The following SLC35F4 variants were observed in gnomAD, a reference collection of about 807,000 sequenced individuals.
The protein encoded by SLC35F4 is chromosome 14 open reading frame 36.
A neutral mutation model predicts 44.2 loss-of-function variants in SLC35F4; 24 were observed. The observed-to-expected ratio is 0.54, with a 90% CI of 0.39 to 0.76. The LOEUF (loss-of-function observed/expected upper bound fraction) is 0.76. Ranked by LOEUF, SLC35F4 falls within the 30% of genes least tolerant of loss-of-function variation. SLC35F4 has a pLI of 0.00. For missense variants in SLC35F4, 562 were observed against 586.1 expected, an observed-to-expected ratio of 0.96 and a Z score of 0.42; for synonymous variants, 238 against 223.6, an observed-to-expected ratio of 1.06 and a Z score of -0.57.
At chr14:57,664,038 A>C (rs1390336264) in intron 1 of SLC35F4, among the ~76,000 whole-genome samples, 2 of 152,166 alleles carry the variant, frequency 1.3e-5, no homozygotes, top group Admixed American at 6.6e-5. Context: ...GGCACTGTAC[A>C]TAGAGGAGAA....
chr14:57,891,660 G>T (rs552407903), intron 1 of SLC35F4, among the ~76,000 whole-genome samples: 9 of 152,130 alleles, frequency 5.9e-5, no homozygotes, highest in African/African-American at 2.2e-4. Flanking sequence ...GGCATATCAC[G>T]AGATCAGGAG....
chr14:57,625,856 T>C (rs1258434360), intron 1 of SLC35F4, among the ~76,000 whole-genome samples: 7 of 152,178 alleles, frequency 4.6e-5, no homozygotes, highest in Non-Finnish European at 1.5e-5. Context: ...ATCATTCTAC[T>C]ATAAAGACAC....
intron 1 of SLC35F4, among the ~76,000 whole-genome samples, chr14:57,615,283 A>G (rs2140067081): frequency 1.3e-5 from 2 of 152,312 alleles, no homozygotes; most frequent in South Asian, 4.1e-4. Flanking sequence ...GGAAATATCA[A>G]TGCATTTGGA....
rs148530682 is a variant in SLC35F4, at chr14:57,841,353, T to C, written c.103+24370A>G. On this transcript the variant is annotated intron_variant, in intron 1 of 7. Transcript: ENST00000556826. ...CAGGTCTCTAGTTCCTAAGAAGACC[T>C]AGGTTGGACATTAAGACAAAGCACC... Among the ~76,000 whole-genome samples, 421 of 152,216 alleles carry C rather than the reference T, an allele frequency of 2.8e-3. 2 individuals are homozygous for C. Among genetic ancestry groups the C allele is most frequent in the Admixed American group, 7.5e-3 (114 of 15,284 alleles).
chr14:57,642,881 C>T (rs1290924073), intron 1 of SLC35F4, among the ~76,000 whole-genome samples: 4 of 151,680 alleles, frequency 2.6e-5, no homozygotes, highest in Admixed American at 6.6e-5. Context: ...ACCCTATCTC[C>T]CATTTATTTA....
At chr14:57,630,909 GTC>G in intron 1 of SLC35F4, 1 of 867,754 alleles carries the variant, frequency 1.2e-6, no homozygotes, top group Non-Finnish European at 1.4e-6. Flanking sequence ...AATTTGTGGT[GTC>G]TCTGTATATT....
At chr14:57,594,642 T>A (rs2070387168) in intron 1 of SLC35F4, among the ~76,000 whole-genome samples, 1 of 152,224 alleles carries the variant, frequency 6.6e-6, no homozygotes, top group South Asian at 2.1e-4. Context: ...TCAAATAGTT[T>A]AAGGCAAGGA....
At chr14:57,930,509 T>C (rs970669580) in intron 1 of SLC35F4, among the ~76,000 whole-genome samples, 3 of 152,184 alleles carry the variant, frequency 2.0e-5, no homozygotes, top group African/African-American at 4.8e-5. Flanking sequence ...CTCTGCCCTA[T>C]GAAAACTTCC....
chr14:57,656,382 C>T (rs1218405682), intron 1 of SLC35F4, among the ~76,000 whole-genome samples: 7 of 36,342 alleles, frequency 1.9e-4, no homozygotes, highest in Non-Finnish European at 3.1e-4. Flanking sequence ...TATATACACA[C>T]ACACACACAC....
At chr14:57,717,506 G>T (rs572162152) in intron 1 of SLC35F4, among the ~76,000 whole-genome samples, 52 of 152,204 alleles carry the variant, frequency 3.4e-4, no homozygotes, top group Admixed American at 7.2e-4. Flanking sequence ...CGTGGTGTCG[G>T]GCGCCTGTAG....
chr14:57,760,867 C>T (rs1049087827), intron 1 of SLC35F4, among the ~76,000 whole-genome samples: 24 of 152,296 alleles, frequency 1.6e-4, no homozygotes, highest in African/African-American at 5.8e-4. Flanking sequence ...AGTTTCCTCA[C>T]ATGTTTATAA....
intron 1 of SLC35F4, among the ~76,000 whole-genome samples, chr14:57,793,142 C>T (rs1485037074): frequency 6.6e-6 from 1 of 151,976 alleles, no homozygotes; most frequent in African/African-American, 2.4e-5. Context: ...GAAAATGTGC[C>T]CAGGCTCCTC....
intron 1 of SLC35F4, among the ~76,000 whole-genome samples, chr14:57,755,025 C>T (rs1007950625): frequency 2.0e-5 from 3 of 152,190 alleles, no homozygotes; most frequent in Non-Finnish European, 2.9e-5. Flanking sequence ...ATGTAAACTT[C>T]GTGGTGTGGA....
rs549317857 is a variant in SLC35F4, at chr14:57,630,842, T to C, written c.104-36718A>G. 97 of 793,996 alleles carry C rather than the reference T, an allele frequency of 1.2e-4. No homozygotes were observed. In the South Asian group the frequency reaches 3.2e-3, roughly 26 times the overall value. The allele number at this position is 793,996 out of a possible 1,614,324, so 49.2% of individuals were successfully genotyped here. ...GGCAATGATCATAATCAAAATGATA[T>C]GCTGTTGAGAAGCCACTCTTAAGAG... On this transcript the variant is annotated intron_variant, in intron 1 of 7. Transcript: ENST00000556826.
chr14:57,756,316 T>C (rs1315804175), intron 1 of SLC35F4, among the ~76,000 whole-genome samples: 1 of 152,204 alleles, frequency 6.6e-6, no homozygotes, highest in Non-Finnish European at 1.5e-5. Context: ...GAAGACATTT[T>C]TGATCTATGG....
In SLC35F4 at chr14:57,865,571, G is replaced by T. The variant is rs77375107; in HGVS notation, c.103+152C>A. 0.023 allele frequency among the ~76,000 whole-genome samples: 3,549 copies of T among 152,152 alleles called. 424 individuals carry two copies. In the East Asian group the frequency reaches 0.39, roughly 17 times the overall value. ...GGACAGCGGACATACTTTTCTCCCCGGGGGGTCCCCGCCGCCAGGAAGGCG... is the reference window on the plus strand; with the variant it reads ...GGACAGCGGACATACTTTTCTCCCCTGGGGGTCCCCGCCGCCAGGAAGGCG... On this transcript the variant is annotated intron_variant, in intron 1 of 7. Transcript: ENST00000556826.
chr14:57,586,171 C>T (rs1046330340), intron 3 of SLC35F4, among the ~76,000 whole-genome samples: 1 of 152,126 alleles, frequency 6.6e-6, no homozygotes, highest in Non-Finnish European at 1.5e-5. Context: ...AGAAATAACA[C>T]CACACATCTA....
chr14:57,936,089 T>C (rs1320008039), intron 1 of SLC35F4, among the ~76,000 whole-genome samples: 2 of 152,222 alleles, frequency 1.3e-5, no homozygotes, highest in South Asian at 4.1e-4. Context: ...CATTTTTCTT[T>C]TTAAAATTTC....
chr14:57,865,320 G>C (rs976529412), intron 1 of SLC35F4, among the ~76,000 whole-genome samples: 1 of 140,012 alleles, frequency 7.1e-6, no homozygotes, highest in Non-Finnish European at 1.6e-5. Context: ...CCAGCGCCCC[G>C]CACGCAGTAG....
Sources: gnomAD v4.1 joint callset for allele counts (sites outside exome capture counted in the v4.1 genomes callset) on GRCh38, gnomAD v4.1.1 for gene constraint, MANE v1.5 for transcripts, NCBI Gene and HGNC (gene_info 2026-07-23, HGNC 2026-07-21) for gene names.